The following PDXDC1 variants were observed in gnomAD, a reference collection of about 807,000 sequenced individuals.
PDXDC1 encodes pyridoxal-dependent decarboxylase domain-containing protein 1.
Under a neutral mutation model 100.1 loss-of-function variants are expected in PDXDC1, and 42 were observed. The ratio of observed to expected loss-of-function variants is 0.42; its 90% CI spans 0.33 to 0.54. The LOEUF (loss-of-function observed/expected upper bound fraction) is 0.54. PDXDC1 is among the 20% of genes least tolerant of loss of function. PDXDC1 has a pLI of 0.10. For missense variants in PDXDC1, 636 were observed against 979.2 expected, an observed-to-expected ratio of 0.65 and a Z score of 4.68; for synonymous variants, 260 against 371.7, an observed-to-expected ratio of 0.70 and a Z score of 3.46.
intron 16 of PDXDC1, among the ~76,000 whole-genome samples, chr16:15,089,644 C>A (rs1248477504): frequency 1.3e-5 from 2 of 150,890 alleles, no homozygotes; most frequent in Non-Finnish European, 3.0e-5. Context: ...ACTAAAAATA[C>A]AAAAAATTAG....
chr16:15,065,037 G>C (rs1353467482), intron 16 of PDXDC1, among the ~76,000 whole-genome samples: 1 of 152,050 alleles, frequency 6.6e-6, no homozygotes, highest in Admixed American at 6.6e-5. Context: ...GTGGCAGTGG[G>C]TGCCTGTAGT....
chr16:15,037,021 T>G lies in PDXDC1; in HGVS notation c.*746T>G, dbSNP rs2151669198. On this transcript the variant is annotated 3_prime_UTR_variant, in exon 23 of 23. Coordinates refer to ENST00000396410, the MANE Select transcript of PDXDC1 (RefSeq NM_015027.4). ...AAGTACAGACTGTGCTCATTTCTGTTTAGTATCTGAAAACCTGATAGATGC... is the reference window on the plus strand; with the variant it reads ...AAGTACAGACTGTGCTCATTTCTGTGTAGTATCTGAAAACCTGATAGATGC... The G allele has an allele frequency of 6.6e-6, 1 of 152,340 alleles. No individual in the cohort carries two copies. The highest frequency in any genetic ancestry group is 2.4e-5 in the African/African-American group (1 of 41,570). The allele number at this position is 152,340 out of a possible 1,614,324, so 9.4% of individuals were successfully genotyped here.
At chr16:15,112,155 G>A (rs1406753504) in intron 16 of PDXDC1, among the ~76,000 whole-genome samples, 2 of 148,400 alleles carry the variant, frequency 1.3e-5, no homozygotes, top group Non-Finnish European at 3.0e-5. Flanking sequence ...TCTCATCATA[G>A]CTAAAATGCA....
chr16:15,089,800 A>C (rs2046055788), intron 16 of PDXDC1, among the ~76,000 whole-genome samples: 1 of 150,554 alleles, frequency 6.6e-6, no homozygotes, highest in Non-Finnish European at 1.5e-5. Flanking sequence ...AAAAAAAAAA[A>C]AAAAAAAAAA....
chr16:15,135,984 G>A (rs1427524463), intron 16 of PDXDC1: 42 of 1,560,312 alleles, frequency 2.7e-5, no homozygotes, highest in Admixed American at 8.8e-5. Flanking sequence ...TGGTGGGCCC[G>A]AGCCAGATGC....
chr16:14,998,040 A>C (rs928459766), intron 2 of PDXDC1, among the ~76,000 whole-genome samples: 1 of 152,296 alleles, frequency 6.6e-6, no homozygotes, highest in African/African-American at 2.4e-5. Flanking sequence ...AATTCTGTCT[A>C]TTAAGAGTTT....
chr16:15,020,134 A>G (rs2151524315), intron 12 of PDXDC1, among the ~76,000 whole-genome samples: 1 of 151,194 alleles, frequency 6.6e-6, no homozygotes, highest in Non-Finnish European at 1.5e-5. Context: ...AAAAAAAAAA[A>G]AAAAAGCCAA....
downstream of PDXDC1, among the ~76,000 whole-genome samples, chr16:15,144,335 G>A (rs1038114610): frequency 2.6e-5 from 4 of 152,204 alleles, no homozygotes; most frequent in Admixed American, 1.3e-4. Context: ...TTCCAGGGCC[G>A]GAAATGATCC....
chr16:15,051,377 C>T (rs1280573114), intron 16 of PDXDC1, among the ~76,000 whole-genome samples: 2 of 152,184 alleles, frequency 1.3e-5, no homozygotes, highest in Non-Finnish European at 2.9e-5. Context: ...TTTTTTTAAA[C>T]AGGGTCTTAC....
chr16:15,095,381 C>G (rs2046318944), intron 16 of PDXDC1, among the ~76,000 whole-genome samples: 1 of 151,684 alleles, frequency 6.6e-6, no homozygotes, highest in African/African-American at 2.4e-5. Flanking sequence ...TCCATCTCTA[C>G]AAAAAATTTA....
At chr16:14,986,607 C>G (rs1334838387) in intron 1 of PDXDC1, among the ~76,000 whole-genome samples, 6 of 152,286 alleles carry the variant, frequency 3.9e-5, no homozygotes, top group Non-Finnish European at 7.3e-5. Context: ...ATTTATACAA[C>G]AGAATTAACT....
intron 16 of PDXDC1, chr16:15,094,091 C>T (rs1598032105): frequency 1.3e-6 from 2 of 1,482,034 alleles, no homozygotes; most frequent in Non-Finnish European, 9.3e-7. Flanking sequence ...CTCCTCTAAG[C>T]GCCGTCCTGA....
chr16:15,015,270 C>A (rs1292030087), intron 8 of PDXDC1, among the ~76,000 whole-genome samples: 1 of 152,244 alleles, frequency 6.6e-6, no homozygotes, highest in Non-Finnish European at 1.5e-5. Context: ...AAGGGCATAT[C>A]TAAATCAAAA....
downstream of PDXDC1, among the ~76,000 whole-genome samples, chr16:15,144,281 C>T (rs1292272554): frequency 6.6e-6 from 1 of 152,242 alleles, no homozygotes; most frequent in Non-Finnish European, 1.5e-5. Context: ...TCTTCTGTTT[C>T]CCTCTGCGCT....
At chr16:15,047,735 GA>G in intron 16 of PDXDC1, 3 of 982,800 alleles carry the variant, frequency 3.1e-6, no homozygotes, top group South Asian at 1.3e-5. Context: ...ATGCAGACCA[GA>G]AAAAAGGTAA....
intron 16 of PDXDC1, chr16:15,132,822 G>A (rs1442943320): frequency 1.4e-5 from 21 of 1,480,794 alleles, no homozygotes; most frequent in East Asian, 6.8e-5. Context: ...ATCTGGGCTC[G>A]GCGCTGCCGC....
In PDXDC1 at chr16:15,033,400, G is replaced by T; in HGVS notation, c.1812+1G>T. On this transcript the variant is annotated splice_donor_variant, in intron 19 of 22. Coordinates refer to ENST00000396410, the MANE Select transcript of PDXDC1 (RefSeq NM_015027.4). LOFTEE classifies it high-confidence loss of function. ...CCGGGAGATAGAGGAGAACTCGAGG[G>T]TCCGTAGCACCCATCAGTGTTCATT... is the stretch of plus-strand genomic sequence containing the variant. The T allele has an allele frequency of 6.2e-7, 1 of 1,613,974 alleles. No individual in the cohort carries two copies.
At chr16:14,998,836 T>C (rs1972557435) in intron 3 of PDXDC1, among the ~76,000 whole-genome samples, 1 of 152,286 alleles carries the variant, frequency 6.6e-6, no homozygotes, top group Non-Finnish European at 1.5e-5. Flanking sequence ...TTAAATAGAC[T>C]TATGTGCAGT....
At position 15,123,387 on chromosome 16, in the gene PDXDC1, C is replaced by T. The variant is rs999420857; in HGVS notation, c.1400-15492C>T. ...GGTTCCTCAAGGTCACTTTTGGTGACAAAACATAAAAAACAAATGATGGCA... is the reference window on the plus strand; with the variant it reads ...GGTTCCTCAAGGTCACTTTTGGTGATAAAACATAAAAAACAAATGATGGCA... On this transcript the variant is annotated intron_variant, in intron 16 of 16. Coordinates refer to the PDXDC1 transcript ENST00000535621. 7 of 1,134,910 alleles carry T rather than the reference C, an allele frequency of 6.2e-6. No individual in the cohort carries two copies. The African/African-American group carries it at 1.1e-4, about 17-fold the overall frequency. 70.3% of individuals were successfully genotyped at this position (1,134,910 alleles called of 1,614,324 possible).
Sources: gnomAD v4.1 joint callset for allele counts (sites outside exome capture counted in the v4.1 genomes callset) on GRCh38, gnomAD v4.1.1 for gene constraint, MANE v1.5 for transcripts, NCBI Gene and HGNC (gene_info 2026-07-23, HGNC 2026-07-21) for gene names.